Variants in ZNF333 observed in about 807,000 individuals in gnomAD.
ZNF333 encodes zinc finger protein 333.
ZNF333 carries 61 observed loss-of-function variants against 76.1 expected under a neutral mutation model. That is an observed-to-expected ratio of 0.80 (90% CI 0.65 to 0.99). ZNF333 has a LOEUF of 0.99. ZNF333 is among the 50% of genes least tolerant of loss of function. The pLI is 0.00. For missense variants in ZNF333, 717 were observed against 822.4 expected, an observed-to-expected ratio of 0.87 and a Z score of 1.57; for synonymous variants, 284 against 305.0, an observed-to-expected ratio of 0.93 and a Z score of 0.72.
At position 14,720,198 on chromosome 19, in the gene ZNF333, A is replaced by G. The variant is rs375543245; in HGVS notation, c.*873A>G. ...GAAACTCTGTCTCAAAAATAATAAT[A>G]ATAAAAAAAAGCTTCCATCTCCCAG... On this transcript the variant is annotated 3_prime_UTR_variant, in exon 12 of 12. Transcript: ENST00000292530. 7.1e-6 allele frequency: 7 copies of G among 983,324 alleles called. No individual in the cohort carries two copies. In the East Asian group the frequency reaches 3.4e-4, roughly 48 times the overall value. 60.9% of individuals were successfully genotyped at this position (983,324 alleles called of 1,614,324 possible).
At chr19:14,708,597 G>C in intron 7 of ZNF333, 1 of 374,158 alleles carries the variant, frequency 2.7e-6, no homozygotes, top group Non-Finnish European at 4.8e-6. Context: ...CTGATAATGG[G>C]CCTGTTCACT....
At position 14,692,274 on chromosome 19, in the gene ZNF333, C is replaced by T. The variant is rs561823471; in HGVS notation, c.-41-1177C>T. 2.6e-5 allele frequency among the ~76,000 whole-genome samples: 4 copies of T among 152,274 alleles called. No individual in the cohort carries two copies. The South Asian group carries it at 8.3e-4, about 32-fold the overall frequency. ...TCTGAAAAGGAACAAATGTTTGAAC[C>T]TTCAAGATGAGTTGTACGTAGCTAA... is the stretch of plus-strand genomic sequence containing the variant. On this transcript the variant is annotated intron_variant, in intron 1 of 11. Transcript: ENST00000292530.
chr19:14,725,714 A>G (rs1194493230), downstream of ZNF333, among the ~76,000 whole-genome samples: 1 of 152,236 alleles, frequency 6.6e-6, no homozygotes, highest in Admixed American at 6.5e-5. Flanking sequence ...CTTTGACTCC[A>G]TGTCCTGCGT....
chr19:14,715,247 G>A (rs2042395184), intron 7 of ZNF333, 135 bp from the exon 8 acceptor site: 5 of 676,898 alleles, frequency 7.4e-6, no homozygotes, highest in Non-Finnish European at 1.0e-5. Context: ...GTCTGCATGT[G>A]TGTGTCCCTG....
intron 5 of ZNF333, 183 bp downstream of exon 5, chr19:14,699,464 AC>A: frequency 1.9e-6 from 1 of 534,752 alleles, no homozygotes. Flanking sequence ...GTTGCTCAAG[AC>A]TTTTTTTTTT....
intron 4 of ZNF333, among the ~76,000 whole-genome samples, chr19:14,698,870 A>G (rs11879164): frequency 0.72 from 103,432 of 143,488 alleles, 38,864 homozygotes; most frequent in African/African-American, 0.92. Flanking sequence ...AACAAAAAAC[A>G]TGTATGTGTG....
chr19:14,725,048 A>G (rs906261243), downstream of ZNF333, among the ~76,000 whole-genome samples: 1 of 152,236 alleles, frequency 6.6e-6, no homozygotes, highest in Non-Finnish European at 1.5e-5. Context: ...AGGCTCTACA[A>G]GCATGGCACC....
Position 14,720,167 on chromosome 19 carries a change from C to G in ZNF333, c.*842C>G. The G allele has an allele frequency of 1.0e-6, 1 of 973,948 alleles. No homozygotes were observed. 60.3% of individuals were successfully genotyped at this position (973,948 alleles called of 1,614,324 possible). On this transcript the variant is annotated 3_prime_UTR_variant, in exon 12 of 12. Coordinates refer to ENST00000292530, the MANE Select transcript of ZNF333 (RefSeq NM_032433.4). Reference sequence around the variant, plus strand: ...CGCCACTGCACTCCAGCCTGGGCAACAGAGTGAAACTCTGTCTCAAAAATA... The same window carrying G: ...CGCCACTGCACTCCAGCCTGGGCAAGAGAGTGAAACTCTGTCTCAAAAATA...
At chr19:14,722,963 T>C (rs2042608222), downstream of ZNF333, among the ~76,000 whole-genome samples, 1 of 152,174 alleles carries the variant, frequency 6.6e-6, no homozygotes, top group Non-Finnish European at 1.5e-5. Flanking sequence ...TTTTTTTGTA[T>C]TTTTAGTAGA....
At chr19:14,721,998 C>T (rs1224580648), downstream of ZNF333, 1 of 152,152 alleles carries the variant, frequency 6.6e-6, no homozygotes, top group African/African-American at 2.4e-5. Flanking sequence ...TAGATCTTGC[C>T]AGACAGTTTT....
At position 14,696,731 on chromosome 19, in the gene ZNF333, CTTTTTTTTTTTTTTTT is replaced by C. The variant is rs55742444; in HGVS notation, c.223+1080_223+1095del. 5.0e-4 allele frequency among the ~76,000 whole-genome samples: 41 copies of C among 82,720 alleles called. No individual in the cohort carries two copies. The Admixed American group carries it at 5.0e-3, about 10-fold the overall frequency. The allele number at this position is 82,720 out of a possible 152,430, so 54.3% of individuals were successfully genotyped here. A position where few individuals can be genotyped will look rare whatever the true frequency, so the allele number is the denominator to read the frequency against. On this transcript the variant is annotated intron_variant, in intron 4 of 11. Coordinates refer to ENST00000292530, the MANE Select transcript of ZNF333 (RefSeq NM_032433.4). ...GGCAGATTCCTCGTGACCTAATCACCTTTTTTTTTTTTTTTTTTTTTTTTTGGGACAGAGTCTCGCC... is the reference window on the plus strand; with the variant it reads ...GGCAGATTCCTCGTGACCTAATCACCTTTTTTTTTGGGACAGAGTCTCGCC...
rs893984645 is a variant in ZNF333, at chr19:14,704,912, G to A, written c.307-142G>A. 32 of 670,550 alleles carry A rather than the reference G, an allele frequency of 4.8e-5. No homozygotes were observed. In the African/African-American group the frequency reaches 4.8e-4, roughly 10 times the overall value. 41.5% of individuals were successfully genotyped at this position (670,550 alleles called of 1,614,324 possible). ...TTCACCTCAGCCTCCCAAAGTGCTG[G>A]GATTATGGGCATGAGCCACTGCACC... On this transcript the variant is annotated intron_variant, in intron 5 of 11. Coordinates refer to ENST00000292530, the MANE Select transcript of ZNF333 (RefSeq NM_032433.4).
chr19:14,718,676 A>AC lies in ZNF333; in HGVS notation c.1350dup (p.Glu451ArgfsTer3). On this transcript the variant is annotated frameshift_variant, in exon 12 of 12. Transcript: ENST00000292530. LOFTEE classifies it high-confidence loss of function. The stretch of plus-strand genomic sequence containing the variant: ...AGAAACCACACAGGAGAGAAGCCCT[A>AC]CGAGTGTAAAGATTGTGGGAAAGCC... 1 of 1,614,008 alleles carries AC rather than the reference A, an allele frequency of 6.2e-7. No homozygotes were observed. The highest frequency in any genetic ancestry group is 8.5e-7 in the Non-Finnish European group (1 of 1,180,020).
chr19:14,728,365 G>C (rs999741445), intron 11 of ZNF333, among the ~76,000 whole-genome samples: 2 of 152,178 alleles, frequency 1.3e-5, no homozygotes, highest in Non-Finnish European at 2.9e-5. Flanking sequence ...AGGGTGTGAT[G>C]ACAGTCTGTT....
At chr19:14,698,899 G>GATATATATATATATAT (rs60299211) in intron 4 of ZNF333, among the ~76,000 whole-genome samples, 5 of 132,708 alleles carry the variant, frequency 3.8e-5, no homozygotes, top group African/African-American at 1.1e-4. Flanking sequence ...CACAAATATA[G>GATATATATATATATAT]ATATATATAT....
chr19:14,693,208 TAGA>T (rs1433192284), intron 1 of ZNF333, among the ~76,000 whole-genome samples: 2 of 152,170 alleles, frequency 1.3e-5, no homozygotes, highest in East Asian at 1.9e-4. Context: ...GGAGGAAAAG[TAGA>T]AGATCTTAGA....
Position 14,705,068 on chromosome 19 carries a change from C to T in ZNF333, c.321C>T (p.Phe107=), listed in dbSNP as rs768416248. The T allele has an allele frequency of 2.3e-5, 37 of 1,613,970 alleles. 1 individual carries two copies. The South Asian group carries it at 4.0e-4, about 17-fold the overall frequency. ...TCTTTTGCCAGGGGCCGGGGCTGTT[C>T]CTGAGGATGCAGCTGGTGCCCTCCA... ...SRDMQMGPGL[F]LRMQLVPSIE... is the part of the protein sequence containing the mutation. Residue 107 remains phenylalanine, a synonymous_variant, in exon 6 of 12, where the codon TTC becomes TTT. Coordinates refer to ENST00000292530, the MANE Select transcript of ZNF333 (RefSeq NM_032433.4).
intron 2 of ZNF333, among the ~76,000 whole-genome samples, chr19:14,694,682 G>A (rs1490501857): frequency 6.6e-6 from 1 of 152,146 alleles, no homozygotes; most frequent in Non-Finnish European, 1.5e-5. Flanking sequence ...GCCATCACAA[G>A]TCAGTGGAGT....
intron 8 of ZNF333, 58 bp downstream of exon 8, chr19:14,715,528 C>T: frequency 6.6e-7 from 1 of 1,523,880 alleles, no homozygotes; most frequent in Non-Finnish European, 9.0e-7. Flanking sequence ...CTGGACTTAC[C>T]TTCTTCCTGT....
Sources: gnomAD v4.1 joint callset for allele counts (sites outside exome capture counted in the v4.1 genomes callset) on GRCh38, gnomAD v4.1.1 for gene constraint, MANE v1.5 for transcripts, NCBI Gene and HGNC (gene_info 2026-07-23, HGNC 2026-07-21) for gene names.